MECOM: variants seen among roughly 807,000 people sequenced by gnomAD.
MECOM encodes histone-lysine N-methyltransferase MECOM.
A neutral mutation model predicts 116.3 loss-of-function variants in MECOM; 13 were observed. The ratio of observed to expected loss-of-function variants is 0.11; its 90% CI spans 0.07 to 0.18. The LOEUF (loss-of-function observed/expected upper bound fraction) is 0.18. Among genes scored for constraint, MECOM ranks in the 10% least tolerant of loss-of-function variants. The pLI, the probability that MECOM is intolerant of heterozygous loss-of-function variation, is 1.00. For missense variants in MECOM, 1,299 were observed against 1,509.0 expected (o/e 0.86, Z 2.31); for synonymous variants, 528 against 535.2 (o/e 0.99, Z 0.19).
chr3:169,328,380 A>G (rs1722193394), intron 2 of MECOM, among the ~76,000 whole-genome samples: 1 of 152,238 alleles, frequency 6.6e-6, no homozygotes, highest in Non-Finnish European at 1.5e-5. Flanking sequence ...CAAAGTCCTA[A>G]AATTTCATAG....
intron 1 of MECOM, among the ~76,000 whole-genome samples, chr3:169,391,465 A>T (rs1026374307): frequency 6.6e-6 from 1 of 152,120 alleles, no homozygotes; most frequent in Non-Finnish European, 1.5e-5. Flanking sequence ...CTAAGCTCTA[A>T]AGGCCCCCAT....
intron 1 of MECOM, among the ~76,000 whole-genome samples, chr3:169,530,313 AGT>A (rs1758459940): frequency 6.6e-6 from 1 of 152,204 alleles, no homozygotes; most frequent in Non-Finnish European, 1.5e-5. Context: ...AAGGACCTGG[AGT>A]GTGCATCTTT....
chr3:169,444,349 C>A (rs564264189), intron 1 of MECOM, among the ~76,000 whole-genome samples: 11 of 152,296 alleles, frequency 7.2e-5, no homozygotes, highest in African/African-American at 2.2e-4. Flanking sequence ...TGAATTCTAT[C>A]TCCCAGAATT....
intron 1 of MECOM, among the ~76,000 whole-genome samples, chr3:169,497,281 C>T (rs1753923362): frequency 6.6e-6 from 1 of 152,102 alleles, no homozygotes; most frequent in Non-Finnish European, 1.5e-5. Flanking sequence ...CATTTACTCC[C>T]AATGCTTCTT....
chr3:169,541,779 T>C (rs1760093953), intron 1 of MECOM, among the ~76,000 whole-genome samples: 1 of 130,530 alleles, frequency 7.7e-6, no homozygotes, highest in Non-Finnish European at 1.6e-5. Context: ...GCATCCTCTG[T>C]GCTCTTGACA....
chr3:169,091,466 T>C (rs905691503), intron 14 of MECOM, among the ~76,000 whole-genome samples: 1 of 152,118 alleles, frequency 6.6e-6, no homozygotes, highest in African/African-American at 2.4e-5. Flanking sequence ...AAAATTTGAA[T>C]AGGCATCTCA....
intron 1 of MECOM, among the ~76,000 whole-genome samples, chr3:169,636,477 G>A (rs1430077428): frequency 6.6e-6 from 1 of 152,188 alleles, no homozygotes; most frequent in Non-Finnish European, 1.5e-5. Flanking sequence ...ACAATTCAGT[G>A]ACAAGAAGCA....
intron 1 of MECOM, among the ~76,000 whole-genome samples, chr3:169,589,847 A>G (rs1329676754): frequency 6.6e-6 from 1 of 152,220 alleles, no homozygotes; most frequent in Non-Finnish European, 1.5e-5. Flanking sequence ...TTCAAATCAC[A>G]TGCAATTTCT....
intron 1 of MECOM, among the ~76,000 whole-genome samples, chr3:169,658,272 A>G (rs981205786): frequency 1.3e-5 from 2 of 152,322 alleles, no homozygotes; most frequent in Admixed American, 1.3e-4. Context: ...ACTCCAAAAA[A>G]ATGTACCTGG....
intron 1 of MECOM, among the ~76,000 whole-genome samples, chr3:169,568,598 A>G (rs1375779613): frequency 6.6e-6 from 1 of 152,196 alleles, no homozygotes; most frequent in African/African-American, 2.4e-5. Flanking sequence ...AAACAAAGCC[A>G]CCAGGAACTT....
intron 2 of MECOM, among the ~76,000 whole-genome samples, chr3:169,158,533 G>C (rs1742345883): frequency 6.6e-6 from 1 of 152,104 alleles, no homozygotes; most frequent in Admixed American, 6.5e-5. Flanking sequence ...TGTACTATGA[G>C]TATCGTGTTC....
chr3:169,663,342 C>A lies in MECOM; in HGVS notation c.31G>T (p.Ala11Ser). ...AAAGGGATATTGCACCTACTTGTGG[C>A]CAGTTTCCTTGCCCTGCCTTTGGAT... MRSKGRARKL[A>S]TNNECVYGNY... Residue 11 changes from alanine to serine, a missense_variant, in exon 1 of 17, where the codon GCC (alanine) becomes TCC (serine). This residue lies in a region of MECOM where 374 missense variants were observed against 433.4 expected (regional missense o/e 0.86). Transcript: ENST00000651503. 6.2e-7 allele frequency: 1 copy of A among 1,610,008 alleles called. No homozygotes were observed. The highest frequency in any genetic ancestry group is 8.5e-7 in the Non-Finnish European group (1 of 1,178,216).
intron 1 of MECOM, among the ~76,000 whole-genome samples, chr3:169,657,029 T>C (rs146155164): frequency 6.6e-6 from 1 of 152,178 alleles, no homozygotes; most frequent in Non-Finnish European, 1.5e-5. Context: ...TACAAGGACA[T>C]ACACAGATAA....
intron 1 of MECOM, among the ~76,000 whole-genome samples, chr3:169,397,589 T>C (rs190879973): frequency 8.7e-4 from 133 of 152,312 alleles, no homozygotes; most frequent in African/African-American, 3.0e-3. Flanking sequence ...TTGATGCTCT[T>C]CCATTGCTAT....
intron 1 of MECOM, among the ~76,000 whole-genome samples, chr3:169,653,572 C>T (rs1248257578): frequency 6.6e-6 from 1 of 151,850 alleles, no homozygotes; most frequent in Non-Finnish European, 1.5e-5. Context: ...ACTATGGCAA[C>T]ATTATGGCCA....
At chr3:169,581,837 C>T (rs1302038711) in intron 1 of MECOM, among the ~76,000 whole-genome samples, 1 of 152,146 alleles carries the variant, frequency 6.6e-6, no homozygotes, top group Non-Finnish European at 1.5e-5. Flanking sequence ...TTTTTGAAAA[C>T]ATTTGACACT....
chr3:169,213,520 T>C (rs540699214), intron 2 of MECOM, among the ~76,000 whole-genome samples: 1 of 152,260 alleles, frequency 6.6e-6, no homozygotes, highest in African/African-American at 2.4e-5. Context: ...AAAAAAGTGT[T>C]ATGGGGGCCC....
chr3:169,267,315 G>A (rs976978751), intron 2 of MECOM, among the ~76,000 whole-genome samples: 1 of 152,214 alleles, frequency 6.6e-6, no homozygotes, highest in Non-Finnish European at 1.5e-5. Context: ...TTGAAAAAGT[G>A]TTGATTGAGA....
At chr3:169,567,328 C>T (rs534555146) in intron 1 of MECOM, among the ~76,000 whole-genome samples, 1 of 152,326 alleles carries the variant, frequency 6.6e-6, no homozygotes, top group Non-Finnish European at 1.5e-5. Flanking sequence ...ATTTAGAGAA[C>T]TATCTGTTCA....
Sources: gnomAD v4.1 joint callset for allele counts (sites outside exome capture counted in the v4.1 genomes callset) on GRCh38, gnomAD v4.1.1 for gene constraint, gnomAD v4.1.1 regional missense constraint, MANE v1.5 for transcripts, NCBI Gene and HGNC (gene_info 2026-07-23, HGNC 2026-07-21) for gene names.